Variants in SLC4A4 observed in about 807,000 individuals in gnomAD.
SLC4A4 encodes the protein solute carrier family 4 member 4.
In SLC4A4, 27 loss-of-function variants were observed where a neutral mutation model predicts 111.5. The observed-to-expected ratio is 0.24, with a 90% CI of 0.18 to 0.33. The LOEUF is 0.33. SLC4A4 is among the 10% of genes least tolerant of loss of function. The pLI is 1.00. For synonymous variants in SLC4A4, 443 were observed against 463.4 expected (o/e 0.96, Z 0.57); for missense variants, 909 against 1,315.5 (o/e 0.69, Z 4.78).
At chr4:71,226,920 A>T (rs1455489088) in intron 1 of SLC4A4, among the ~76,000 whole-genome samples, 1 of 151,988 alleles carries the variant, frequency 6.6e-6, no homozygotes, top group Non-Finnish European at 1.5e-5. Flanking sequence ...ATGTGTAGTG[A>T]CTATGCTTGA....
At chr4:71,303,042 A>C (rs1161461771) in intron 3 of SLC4A4, among the ~76,000 whole-genome samples, 1 of 152,226 alleles carries the variant, frequency 6.6e-6, no homozygotes, top group East Asian at 1.9e-4. Context: ...AAGTATAAAA[A>C]TCAGGCTGTG....
At chr4:71,154,543 C>A (rs540097458) in intron 2 of SLC4A4, among the ~76,000 whole-genome samples, 1 of 140,978 alleles carries the variant, frequency 7.1e-6, no homozygotes, top group South Asian at 2.1e-4. Flanking sequence ...AGTGTACAAT[C>A]AACAAAGAAT....
At chr4:71,132,734 C>T (rs540579016) in intron 2 of SLC4A4, among the ~76,000 whole-genome samples, 1 of 152,238 alleles carries the variant, frequency 6.6e-6, no homozygotes, top group Non-Finnish European at 1.5e-5. Context: ...GCTTTACCAG[C>T]TGTGTGCCTA....
intron 1 of SLC4A4, among the ~76,000 whole-genome samples, chr4:71,077,164 C>T (rs1741857158): frequency 7.0e-6 from 1 of 142,102 alleles, no homozygotes; most frequent in African/African-American, 2.5e-5. Context: ...AGAGTATGTA[C>T]TTTTTTTTTT....
chr4:71,214,527 C>CTACGTACA lies in SLC4A4; in HGVS notation c.-1-22046_-1-22039dup, dbSNP rs924626785. Among the ~76,000 whole-genome samples the CTACGTACA allele has an allele frequency of 5.9e-5, 9 of 152,268 alleles. 1 individual carries two copies. The highest frequency in any genetic ancestry group is 2.2e-4 in the African/African-American group (9 of 41,548). On this transcript the variant is annotated intron_variant, in intron 1 of 25. Coordinates refer to ENST00000264485, the MANE Select transcript of SLC4A4 (RefSeq NM_001098484.3). ...GTCCCGCCACCACTCGTACCCTATC[C>CTACGTACA]TACGTACATAAAACTGTCCCATATC... is the stretch of plus-strand genomic sequence containing the variant.
At chr4:71,101,628 G>A (rs962735488) in intron 2 of SLC4A4, among the ~76,000 whole-genome samples, 3 of 152,154 alleles carry the variant, frequency 2.0e-5, no homozygotes, top group Admixed American at 6.5e-5. Flanking sequence ...CCCCCGAGCA[G>A]CCTAACTGGG....
At chr4:71,504,902 C>T (rs1731262283) in intron 16 of SLC4A4, among the ~76,000 whole-genome samples, 1 of 152,062 alleles carries the variant, frequency 6.6e-6, no homozygotes, top group Non-Finnish European at 1.5e-5. Flanking sequence ...CCAACAGACC[C>T]CAGAGTGTGT....
At chr4:71,352,387 T>C (rs980400576) in intron 5 of SLC4A4, among the ~76,000 whole-genome samples, 41 of 152,110 alleles carry the variant, frequency 2.7e-4, no homozygotes, top group African/African-American at 9.9e-4. Context: ...TTTTTTACCA[T>C]AGATGATCAT....
intron 16 of SLC4A4, among the ~76,000 whole-genome samples, chr4:71,526,269 A>G (rs942297982): frequency 6.6e-6 from 1 of 152,082 alleles, no homozygotes; most frequent in African/African-American, 2.4e-5. Context: ...ATATCTTAAT[A>G]ATAAACACTC....
intron 7 of SLC4A4, 91 bp downstream of exon 7, chr4:71,397,744 T>A: frequency 8.8e-7 from 1 of 1,135,296 alleles, no homozygotes; most frequent in Non-Finnish European, 1.3e-6. Flanking sequence ...TTGCTTCACT[T>A]AAAATGGACC....
chr4:71,332,038 T>C (rs183219974), intron 3 of SLC4A4, among the ~76,000 whole-genome samples: 20 of 152,332 alleles, frequency 1.3e-4, no homozygotes, highest in African/African-American at 4.3e-4. Flanking sequence ...CCTATTCATC[T>C]CTGATTTCAT....
intron 1 of SLC4A4, among the ~76,000 whole-genome samples, chr4:71,071,412 T>C (rs6827841): frequency 0.084 from 12,775 of 152,144 alleles, 1,901 homozygotes; most frequent in African/African-American, 0.29. Flanking sequence ...TTCCATAGTG[T>C]GGGGCTATTG....
chr4:71,193,222 G>C (rs1333342862), intron 1 of SLC4A4, among the ~76,000 whole-genome samples: 2 of 152,062 alleles, frequency 1.3e-5, no homozygotes, highest in Non-Finnish European at 2.9e-5. Context: ...TGCGGTGGCC[G>C]GATCTCGGCT....
chr4:71,295,268 G>A (rs1724697924), intron 3 of SLC4A4, among the ~76,000 whole-genome samples: 1 of 152,156 alleles, frequency 6.6e-6, no homozygotes, highest in Non-Finnish European at 1.5e-5. Flanking sequence ...AACTGTTGCT[G>A]TATCTCTCTA....
At chr4:71,356,946 TA>T in intron 5 of SLC4A4, 61 bp from the exon 6 acceptor site, 5 of 1,497,692 alleles carry the variant, frequency 3.3e-6, no homozygotes, top group South Asian at 1.2e-5. Context: ...AAAGTTAGAG[TA>T]AAAAAATAAC....
intron 5 of SLC4A4, among the ~76,000 whole-genome samples, chr4:71,355,241 T>A (rs1255983825): frequency 6.6e-6 from 1 of 152,214 alleles, no homozygotes; most frequent in Non-Finnish European, 1.5e-5. Flanking sequence ...CACTTTAGTC[T>A]ACAACCCTGA....
chr4:71,380,327 C>T (rs923844885), intron 6 of SLC4A4, among the ~76,000 whole-genome samples: 5 of 152,170 alleles, frequency 3.3e-5, no homozygotes, highest in African/African-American at 1.2e-4. Flanking sequence ...ATCACTCACT[C>T]CTTATTACAG....
intron 16 of SLC4A4, among the ~76,000 whole-genome samples, chr4:71,501,869 A>G (rs555267554): frequency 7.2e-5 from 11 of 151,916 alleles, no homozygotes; most frequent in Non-Finnish European, 1.5e-4. Flanking sequence ...TTTCACCATA[A>G]TAGCCAGATG....
intron 2 of SLC4A4, among the ~76,000 whole-genome samples, chr4:71,164,874 C>T (rs1385029403): frequency 1.3e-5 from 2 of 151,848 alleles, no homozygotes; most frequent in African/African-American, 4.8e-5. Context: ...ACAAAAAAAC[C>T]ATCAAAAAGT....
Sources: allele counts gnomAD v4.1 joint callset (sites outside exome capture counted in the v4.1 genomes callset), GRCh38; gene constraint gnomAD v4.1.1; transcripts MANE v1.5; gene names NCBI Gene and HGNC (gene_info 2026-07-23, HGNC 2026-07-21).